SPTB: variants seen among roughly 807,000 people sequenced by gnomAD.
The protein encoded by SPTB is spectrin beta chain, erythrocytic.
A neutral mutation model predicts 256.2 loss-of-function variants in SPTB; 45 were observed. The ratio of observed to expected loss-of-function variants is 0.18; its 90% CI spans 0.14 to 0.23. The LOEUF (loss-of-function observed/expected upper bound fraction) is 0.23. SPTB is among the 10% of genes least tolerant of loss of function. The pLI is 1.00. For synonymous variants in SPTB, 1,231 were observed against 1,243.1 expected, an observed-to-expected ratio of 0.99 and a Z score of 0.21; for missense variants, 2,715 against 3,040.4, an observed-to-expected ratio of 0.89 and a Z score of 2.52.
rs777074287 is a variant in SPTB, at chr14:64,770,914, G to A, written c.5769C>T (p.Ile1923=). 2 of 1,614,124 alleles carry A rather than the reference G, an allele frequency of 1.2e-6. No individual in the cohort carries two copies. The highest frequency in any genetic ancestry group is 1.7e-6 in the Non-Finnish European group (2 of 1,180,030). The part of the protein sequence containing the change: ...RDLLSWMESI[I]RQIETQERPR... ...GCCTCTCCTGGGTCTCGATCTGCCG[G>A]ATGATGCTCTCCATCCAGGAGAGGA... The change falls in exon 27 of 36, where the codon ATC becomes ATT. Residue 1923 remains isoleucine (I), a synonymous_variant. Coordinates refer to ENST00000644917, the MANE Select transcript of SPTB (RefSeq NM_001355436.2).
At chr14:64,805,263 G>A (rs568252680) in intron 2 of SPTB, among the ~76,000 whole-genome samples, 173 bp from the exon 3 acceptor site, 15 of 152,150 alleles carry the variant, frequency 9.9e-5, no homozygotes, top group African/African-American at 3.4e-4. Flanking sequence ...TAGCAATACC[G>A]GTCCACATGC....
intron 1 of SPTB, among the ~76,000 whole-genome samples, chr14:64,860,901 A>G (rs991777179): frequency 1.3e-5 from 2 of 152,210 alleles, no homozygotes; most frequent in South Asian, 2.1e-4. Context: ...TCATTCCTCT[A>G]TAAAGACACA....
intron 3 of SPTB, 65 bp downstream of exon 3, chr14:64,804,873 CA>C: frequency 6.2e-7 from 1 of 1,606,888 alleles, no homozygotes; most frequent in Non-Finnish European, 8.5e-7. Flanking sequence ...GAGATGCCCC[CA>C]AACCATGCCT....
chr14:64,749,740 G>A lies in SPTB; in HGVS notation c.6777-44C>T. 6.2e-7 allele frequency: 1 copy of A among 1,605,862 alleles called. No homozygotes were observed. On this transcript the variant is annotated intron_variant, in intron 34 of 35. Coordinates refer to ENST00000644917, the MANE Select transcript of SPTB (RefSeq NM_001355436.2). This position sits in a 1 kb window ranked among gnomAD's most constrained non-coding sequence, Gnocchi z 4.7. ...TCCTGTCATGGAGACACCTCTGGAGGGGGCGCTGGGCAGAGGGCTGGCTCT... is the reference window on the plus strand; with the variant it reads ...TCCTGTCATGGAGACACCTCTGGAGAGGGCGCTGGGCAGAGGGCTGGCTCT...
rs2081852473 is a variant in SPTB at position 64,746,850 on chromosome 14, T to G, written c.*2456A>C. 1 of 152,050 alleles carries G rather than the reference T, an allele frequency of 6.6e-6. No individual in the cohort carries two copies. The highest frequency in any genetic ancestry group is 1.5e-5 in the Non-Finnish European group (1 of 67,952). The allele number at this position is 152,050 out of a possible 1,614,324, so 9.4% of individuals were successfully genotyped here. The stretch of plus-strand genomic sequence containing the variant: ...GTGGACTGGAGCTGTGTCAACCTCG[T>G]TTGGGAATACTGTCAAAAGACTGTA... On this transcript the variant is annotated 3_prime_UTR_variant, in exon 36 of 36. Transcript: ENST00000644917. The surrounding 1 kb of genome is among the most constrained non-coding windows in gnomAD (Gnocchi z 4.9).
At position 64,786,028 on chromosome 14, in the gene SPTB, C is replaced by T. The variant is rs1311567592; in HGVS notation, c.3562-77G>A. On this transcript the variant is annotated intron_variant, in intron 16 of 35. Transcript: ENST00000644917. The surrounding 1 kb of genome is among the most constrained non-coding windows in gnomAD (Gnocchi z 5.6). ...GAGCACACCTCCCAAGTGGGAGCAC[C>T]ACGTGCAGCCACACAGGCCACGGTA... 24 of 1,432,892 alleles carry T rather than the reference C, an allele frequency of 1.7e-5. No individual in the cohort carries two copies. The Middle Eastern group carries it at 7.7e-4, about 46-fold the overall frequency. 88.8% of individuals were successfully genotyped at this position (1,432,892 alleles called of 1,614,324 possible).
chr14:64,767,513 C>T (rs1325074204), intron 30 of SPTB, 150 bp downstream of exon 30: 2 of 1,351,458 alleles, frequency 1.5e-6, no homozygotes, highest in African/African-American at 1.4e-5. Flanking sequence ...TCAGTACTTC[C>T]TGCCACTTGT....
rs560805619 is a variant in SPTB, at chr14:64,809,755, C to T, written c.149-4665G>A. Among the ~76,000 whole-genome samples, 6 of 152,132 alleles carry T rather than the reference C, an allele frequency of 3.9e-5. No homozygotes were observed. In the South Asian group the frequency reaches 1.2e-3, roughly 32 times the overall value. On this transcript the variant is annotated intron_variant, in intron 2 of 35. Transcript: ENST00000644917. ...TTCCTGAAATATGAATTTGTAAGGC[C>T]CCCAATGTTAATAAAGACACAAAAT... is the stretch of plus-strand genomic sequence containing the variant.
Position 64,803,929 on chromosome 14 carries a change from A to G in SPTB, c.301-149T>C, listed in dbSNP as rs2082935160. On this transcript the variant is annotated intron_variant, in intron 3 of 35. Transcript: ENST00000644917. ...CATGGTCATTCATTGACACTATTCA[A>G]TGCTTTCCTTTTAGCAAAGCTCAGA... 1.6e-5 allele frequency: 13 copies of G among 836,382 alleles called. No individual in the cohort carries two copies. The Admixed American group carries it at 2.4e-4, about 16-fold the overall frequency. The allele number at this position is 836,382 out of a possible 1,614,324, so 51.8% of individuals were successfully genotyped here. A position where few individuals can be genotyped will look rare whatever the true frequency, so the allele number is the denominator to read the frequency against.
rs750328364 is a variant in SPTB, at chr14:64,793,981, G to A, written c.1796-114C>T. The A allele has an allele frequency of 4.5e-6, 5 of 1,100,648 alleles. No individual in the cohort carries two copies. The highest frequency in any genetic ancestry group is 6.3e-6 in the Non-Finnish European group (5 of 789,000). 68.2% of individuals were successfully genotyped at this position (1,100,648 alleles called of 1,614,324 possible). A position where few individuals can be genotyped will look rare whatever the true frequency, so the allele number is the denominator to read the frequency against. On this transcript the variant is annotated intron_variant, in intron 13 of 35. Transcript: ENST00000644917. The surrounding 1 kb of genome is among the most constrained non-coding windows in gnomAD (Gnocchi z 7.0). ...CAACCCTGAAGCTGCCATGTCACTGGGGCTTTGGGGTTGGATGCAGGGGGG... is the reference window on the plus strand; with the variant it reads ...CAACCCTGAAGCTGCCATGTCACTGAGGCTTTGGGGTTGGATGCAGGGGGG...
At position 64,790,092 on chromosome 14, in the gene SPTB, T is replaced by G. The variant is rs1021573326; in HGVS notation, c.2804+1627A>C. On this transcript the variant is annotated intron_variant, in intron 15 of 35. Coordinates refer to ENST00000644917, the MANE Select transcript of SPTB (RefSeq NM_001355436.2). The surrounding 1 kb of genome is among the most constrained non-coding windows in gnomAD (Gnocchi z 4.8). ...TCCACTCAATGGAAGAGCAAACTTT[T>G]TAACCAAAAAGAATTGCCCAAAAAT... Among the ~76,000 whole-genome samples the G allele has an allele frequency of 1.3e-5, 2 of 152,212 alleles. No individual in the cohort carries two copies. Among genetic ancestry groups the G allele is most frequent in the Non-Finnish European group, 2.9e-5 (2 of 68,038 alleles).
chr14:64,801,658 G>T, intron 6 of SPTB, 96 bp downstream of exon 6: 1 of 1,278,838 alleles, frequency 7.8e-7, no homozygotes, highest in Non-Finnish European at 1.1e-6. Context: ...AACAGCAGAG[G>T]TCACATTTCT....
At chr14:64,763,532 G>A (rs2082122787) in intron 32 of SPTB, among the ~76,000 whole-genome samples, 1 of 152,226 alleles carries the variant, frequency 6.6e-6, no homozygotes, top group Admixed American at 6.5e-5. Context: ...CCTGTAATTT[G>A]CTAAATTGCT....
Position 64,753,653 on chromosome 14 carries a change from C to T in SPTB, c.6486G>A (p.Glu2162=), listed in dbSNP as rs777007887. 1 of 1,613,756 alleles carries T rather than the reference C, an allele frequency of 6.2e-7. No individual in the cohort carries two copies. The highest frequency in any genetic ancestry group is 2.2e-5 in the East Asian group (1 of 44,876). ...CCGGCAGCGTTGCGGGCTCATCACC[C>T]TCGCTCAGAGGCGTATCTAGGACCT... ...LFKVLDTPLS[E]GDEPATLPAP... Residue 2162 remains glutamate (E), a synonymous_variant, in exon 33 of 36, where the codon GAG becomes GAA. Coordinates refer to ENST00000644917, the MANE Select transcript of SPTB (RefSeq NM_001355436.2).
chr14:64,776,093 T>G (rs759389468), intron 22 of SPTB, among the ~76,000 whole-genome samples: 114 of 152,140 alleles, frequency 7.5e-4, no homozygotes, highest in Non-Finnish European at 1.5e-3. Context: ...GTTTTCTGGG[T>G]CCTAAAGACT....
chr14:64,860,237 A>C (rs1054737759), intron 1 of SPTB, among the ~76,000 whole-genome samples: 1 of 152,174 alleles, frequency 6.6e-6, no homozygotes, highest in African/African-American at 2.4e-5. Flanking sequence ...AGGAAACAAG[A>C]TCCTCTTATC....
chr14:64,827,023 C>T lies in SPTB; in HGVS notation c.-51-3878G>A, dbSNP rs542390564. Among the ~76,000 whole-genome samples, 7 of 152,252 alleles carry T rather than the reference C, an allele frequency of 4.6e-5. No individual in the cohort carries two copies. Among genetic ancestry groups the T allele is most frequent in the African/African-American group, 1.4e-4 (6 of 41,528 alleles). ...AACCTTCACATCCGCCTTTGAGGTC[C>T]GATGCTAGGCTCAGAGCCTCAACCT... On this transcript the variant is annotated intron_variant, in intron 1 of 35. Transcript: ENST00000644917. The surrounding 1 kb of genome is among the most constrained non-coding windows in gnomAD (Gnocchi z 4.6).
intron 1 of SPTB, among the ~76,000 whole-genome samples, chr14:64,854,644 T>C (rs985920681): frequency 2.6e-5 from 4 of 152,024 alleles, no homozygotes; most frequent in African/African-American, 4.8e-5. Context: ...GGACTCTCTA[T>C]ATTAGTTCTG....
At chr14:64,872,205 C>T (rs966817712) in intron 1 of SPTB, among the ~76,000 whole-genome samples, 1 of 152,192 alleles carries the variant, frequency 6.6e-6, no homozygotes, top group Non-Finnish European at 1.5e-5. Flanking sequence ...CAGTAAACGA[C>T]CTTTTTGTTC....
Sources: allele counts gnomAD v4.1 joint callset (sites outside exome capture counted in the v4.1 genomes callset), GRCh38; gene constraint gnomAD v4.1.1; non-coding constraint Gnocchi (gnomAD v3.1); transcripts MANE v1.5; gene names NCBI Gene and HGNC (gene_info 2026-07-23, HGNC 2026-07-21).